Variants in TMCO4 observed in about 807,000 individuals in gnomAD.
The protein encoded by TMCO4 is transmembrane and coiled-coil domains 4, also known as transmembrane and coiled-coil domain-containing protein 4.
A neutral mutation model predicts 64.7 loss-of-function variants in TMCO4; 58 were observed. That is an observed-to-expected ratio of 0.90 (90% CI 0.73 to 1.12). TMCO4 has a LOEUF of 1.12. TMCO4 is among the 50% of genes most tolerant of loss of function. The pLI is 0.00. For missense variants in TMCO4, 780 were observed against 825.9 expected (o/e 0.94, Z 0.68); for synonymous variants, 325 against 346.1 (o/e 0.94, Z 0.68).
intron 13 of TMCO4, among the ~76,000 whole-genome samples, chr1:19,723,029 G>A (rs932242000): frequency 7.2e-4 from 109 of 152,266 alleles, no homozygotes; most frequent in African/African-American, 2.5e-3. Context: ...TCAGGAAGCC[G>A]GACTGCAGGC....
chr1:19,698,304 G>A (rs1173078125), intron 14 of TMCO4, among the ~76,000 whole-genome samples: 1 of 152,190 alleles, frequency 6.6e-6, no homozygotes, highest in African/African-American at 2.4e-5. Context: ...GCCCGCCTGA[G>A]GACTCAGAAT....
In TMCO4 at chr1:19,734,180, G is replaced by C. The variant is rs929172378; in HGVS notation, c.1264+3192C>G. On this transcript the variant is annotated intron_variant, in intron 13 of 15. Coordinates refer to ENST00000294543, the MANE Select transcript of TMCO4 (RefSeq NM_181719.7). This position sits in a 1 kb window ranked among gnomAD's most constrained non-coding sequence, Gnocchi z 4.4. ...GGACCAAGAGGGAACAATGGAAATA[G>C]AGCTTGGTCTGCTGGAGCCCGGCAT... Among the ~76,000 whole-genome samples the C allele has an allele frequency of 7.2e-5, 11 of 152,168 alleles. No homozygotes were observed. Among genetic ancestry groups the C allele is most frequent in the African/African-American group, 2.7e-4 (11 of 41,432 alleles).
rs2095108798 is a variant in TMCO4 at position 19,682,375 on chromosome 1, T to C, written c.*665A>G. The stretch of plus-strand genomic sequence containing the variant: ...AATGCAATTCAGCATGTATTCACCA[T>C]GCTCTGTTAGTGGTGTCCAGATGTT... On this transcript the variant is annotated 3_prime_UTR_variant, in exon 16 of 16. Coordinates refer to ENST00000294543, the MANE Select transcript of TMCO4 (RefSeq NM_181719.7). The C allele has an allele frequency of 4.0e-6, 2 of 495,180 alleles. No individual in the cohort carries two copies. The highest frequency in any genetic ancestry group is 3.2e-5 in the Admixed American group (1 of 31,306). The allele number at this position is 495,180 out of a possible 1,614,324, so 30.7% of individuals were successfully genotyped here.
chr1:19,733,496 A>G lies in TMCO4; in HGVS notation c.1264+3876T>C, dbSNP rs1338743889. Among the ~76,000 whole-genome samples, 6 of 152,274 alleles carry G rather than the reference A, an allele frequency of 3.9e-5. No homozygotes were observed. The East Asian group carries it at 9.7e-4, about 25-fold the overall frequency. On this transcript the variant is annotated intron_variant, in intron 13 of 15. Transcript: ENST00000294543. ...TATGTGCCAGGCACTGTGACAGGCT[A>G]GGGATACAGTGACAAGAAGGAGAAA...
At chr1:19,699,698 G>A (rs765331213) in intron 14 of TMCO4, among the ~76,000 whole-genome samples, 3 of 151,954 alleles carry the variant, frequency 2.0e-5, no homozygotes, top group Non-Finnish European at 4.4e-5. Flanking sequence ...CCTGGCCTAC[G>A]TTTGGTGCTC....
rs759694199 is a variant in TMCO4, at chr1:19,682,583, T to G, written c.*457A>C. 5 of 715,676 alleles carry G rather than the reference T, an allele frequency of 7.0e-6. No homozygotes were observed. The South Asian group carries it at 7.4e-5, about 11-fold the overall frequency. 44.3% of individuals were successfully genotyped at this position (715,676 alleles called of 1,614,324 possible). Reference sequence around the variant, plus strand: ...CCAGTTGATGGTGCCTGTCAGCTGGTGGGCAGCCCTGGAGTGTGGATGGAA... The same window carrying G: ...CCAGTTGATGGTGCCTGTCAGCTGGGGGGCAGCCCTGGAGTGTGGATGGAA... On this transcript the variant is annotated 3_prime_UTR_variant, in exon 16 of 16. Coordinates refer to ENST00000294543, the MANE Select transcript of TMCO4 (RefSeq NM_181719.7).
At chr1:19,708,786 C>A (rs2095315273) in intron 13 of TMCO4, among the ~76,000 whole-genome samples, 1 of 152,166 alleles carries the variant, frequency 6.6e-6, no homozygotes, top group African/African-American at 2.4e-5. Flanking sequence ...CTCCCACATG[C>A]CTGTCACGCT....
intron 2 of TMCO4, among the ~76,000 whole-genome samples, chr1:19,789,683 A>G (rs116485879): frequency 0.023 from 3,571 of 152,214 alleles, 146 homozygotes; most frequent in African/African-American, 0.081. Context: ...AAAGCCCTGG[A>G]CCCATGTGGC....
At chr1:19,737,838 C>T (rs558819038) in intron 12 of TMCO4, among the ~76,000 whole-genome samples, 1 of 152,264 alleles carries the variant, frequency 6.6e-6, no homozygotes, top group Non-Finnish European at 1.5e-5. Context: ...CTGCGGGACC[C>T]CTTCCGGAGC....
rs775905773 is a variant in TMCO4 at position 19,683,447 on chromosome 1, G to A, written c.1501-3C>T. Reference sequence around the variant, plus strand: ...GCATAGTCCAGGTGGCCGCTGACCTGCAGGAGACAGTGAGTGAGCACCACC... The same window carrying A: ...GCATAGTCCAGGTGGCCGCTGACCTACAGGAGACAGTGAGTGAGCACCACC... On this transcript the variant is annotated splice_region_variant and splice_polypyrimidine_tract_variant and intron_variant, in intron 15 of 15. Transcript: ENST00000294543. 5.6e-5 allele frequency: 90 copies of A among 1,612,008 alleles called. No homozygotes were observed. Among genetic ancestry groups the A allele is most frequent in the Middle Eastern group, 1.9e-4 (1 of 5,326 alleles).
chr1:19,720,749 C>G (rs1451193724), intron 13 of TMCO4, among the ~76,000 whole-genome samples: 1 of 152,142 alleles, frequency 6.6e-6, no homozygotes, highest in Non-Finnish European at 1.5e-5. Context: ...CACATGAACA[C>G]CCTGTGCTGG....
intron 15 of TMCO4, among the ~76,000 whole-genome samples, chr1:19,683,695 G>A (rs2095122488): frequency 1.3e-5 from 2 of 151,254 alleles, no homozygotes; most frequent in South Asian, 4.2e-4. Flanking sequence ...ATCCTTTTGG[G>A]GCAGGAAGGA....
intron 13 of TMCO4, 106 bp from the exon 14 acceptor site, chr1:19,700,991 C>A: frequency 1.2e-6 from 1 of 843,848 alleles, no homozygotes; most frequent in Non-Finnish European, 1.9e-6. Context: ...CATACACATG[C>A]ACACACGTGA....
At chr1:19,713,282 C>A (rs765696256) in intron 13 of TMCO4, among the ~76,000 whole-genome samples, 1 of 152,066 alleles carries the variant, frequency 6.6e-6, no homozygotes, top group Non-Finnish European at 1.5e-5. Context: ...CACAGATGTA[C>A]ACAATATGTC....
chr1:19,778,144 A>G (rs2043295887), intron 4 of TMCO4, among the ~76,000 whole-genome samples: 1 of 152,208 alleles, frequency 6.6e-6, no homozygotes, highest in Non-Finnish European at 1.5e-5. Flanking sequence ...GGGCAAAGAA[A>G]GTAACTCAGA....
intron 15 of TMCO4, among the ~76,000 whole-genome samples, chr1:19,684,319 T>C (rs2095130144): frequency 6.6e-6 from 1 of 151,828 alleles, no homozygotes; most frequent in Admixed American, 6.6e-5. Context: ...GTTGTAGAGA[T>C]GGGGTCTCCT....
chr1:19,764,780 G>T (rs546447801), intron 6 of TMCO4, among the ~76,000 whole-genome samples: 1 of 149,046 alleles, frequency 6.7e-6, no homozygotes, highest in Non-Finnish European at 1.5e-5. Context: ...GCTTGAACCC[G>T]GGAGGTGGAG....
intron 6 of TMCO4, among the ~76,000 whole-genome samples, chr1:19,759,526 C>T (rs1158098215): frequency 6.6e-6 from 1 of 152,232 alleles, no homozygotes; most frequent in African/African-American, 2.4e-5. Context: ...TCCTGCCATC[C>T]TCTCCGACCT....
At chr1:19,686,531 G>T (rs896444397) in intron 15 of TMCO4, among the ~76,000 whole-genome samples, 9 of 152,162 alleles carry the variant, frequency 5.9e-5, no homozygotes, top group African/African-American at 2.2e-4. Flanking sequence ...CTCACCACTA[G>T]AATCTGCCCA....
Sources: gnomAD v4.1 joint callset for allele counts (sites outside exome capture counted in the v4.1 genomes callset) on GRCh38, gnomAD v4.1.1 for gene constraint, Gnocchi (gnomAD v3.1) non-coding constraint, MANE v1.5 for transcripts, NCBI Gene and HGNC (gene_info 2026-07-23, HGNC 2026-07-21) for gene names.